The following CFAP68 variants were observed in gnomAD, a reference collection of about 807,000 sequenced individuals.
The protein encoded by CFAP68 is cilia- and flagella-associated protein 68.
At chr11:111,882,537 A>G in the CFAP68 span, 2 of 1,613,818 alleles carry the variant, frequency 1.2e-6, no homozygotes, top group African/African-American at 1.3e-5. Context: ...CTGATGGGCA[A>G]CTGGAACCAG....
At chr11:111,881,375 A>G in the CFAP68 span, 88 of 1,503,090 alleles carry the variant, frequency 5.9e-5, no homozygotes, top group Non-Finnish European at 3.0e-5. Context: ...TCATCCTTCA[A>G]TGCTGCATTA....
the CFAP68 span, among the ~76,000 whole-genome samples, chr11:111,883,544 A>G: frequency 9.9e-5 from 15 of 152,164 alleles, no homozygotes; most frequent in African/African-American, 3.4e-4. Flanking sequence ...AGTGAGCAGA[A>G]ATCAAGCCAC....
At chr11:111,882,412 C>T in the CFAP68 span, 1 of 1,614,168 alleles carries the variant, frequency 6.2e-7, no homozygotes, top group Non-Finnish European at 8.5e-7. Context: ...ACTGTGGCAG[C>T]CTTGTTAATG....
chr11:111,880,414 G>C, the CFAP68 span, among the ~76,000 whole-genome samples: 9 of 152,306 alleles, frequency 5.9e-5, no homozygotes, highest in African/African-American at 2.2e-4. Flanking sequence ...AGATAGCTCA[G>C]CACAAGATAC....
the CFAP68 span, chr11:111,883,061 A>G: frequency 9.3e-7 from 1 of 1,080,120 alleles, no homozygotes; most frequent in South Asian, 1.3e-5. Context: ...GTGAGAATTC[A>G]TGTCATATTG....
At chr11:111,881,982 C>G in the CFAP68 span, among the ~76,000 whole-genome samples, 3 of 152,192 alleles carry the variant, frequency 2.0e-5, no homozygotes, top group African/African-American at 7.2e-5. Context: ...ATTGTGTTAT[C>G]TAGTTACTCA....
chr11:111,883,824 C>G, the CFAP68 span: 3 of 1,613,696 alleles, frequency 1.9e-6, no homozygotes, highest in South Asian at 3.3e-5. Flanking sequence ...ACTGGATCCT[C>G]CCCGATACAA....
the CFAP68 span, chr11:111,883,057 A>T: frequency 9.7e-7 from 1 of 1,033,026 alleles, no homozygotes; most frequent in Non-Finnish European, 1.5e-6. Context: ...GTCCGTGAGA[A>T]TTCATGTCAT....
chr11:111,885,771 A>C, the CFAP68 span: 1 of 152,098 alleles, frequency 6.6e-6, no homozygotes, highest in Non-Finnish European at 1.5e-5. Flanking sequence ...GATATTTTTT[A>C]TCTCCCATAT....
chr11:111,884,467 C>CT, the CFAP68 span: 2 of 100,902 alleles, frequency 2.0e-5, no homozygotes, highest in African/African-American at 8.0e-5. Flanking sequence ...GAGCGAGACT[C>CT]TGTCTCAAAA....
chr11:111,880,339 A>G, the CFAP68 span, among the ~76,000 whole-genome samples: 4 of 152,340 alleles, frequency 2.6e-5, no homozygotes, highest in African/African-American at 7.2e-5. Context: ...AATAGGGGCT[A>G]GGTAAATAAG....
At chr11:111,883,517 C>T in the CFAP68 span, among the ~76,000 whole-genome samples, 24 of 151,594 alleles carry the variant, frequency 1.6e-4, no homozygotes, top group African/African-American at 4.6e-4. Context: ...CACCTGAACC[C>T]GAGAGGTGGA....
the CFAP68 span, among the ~76,000 whole-genome samples, chr11:111,880,037 A>G: frequency 1.3e-5 from 2 of 152,210 alleles, no homozygotes; most frequent in Non-Finnish European, 2.9e-5. Context: ...GGCAGGGGCC[A>G]GGTCATAGGG....
the CFAP68 span, chr11:111,883,140 G>A: frequency 1.9e-6 from 3 of 1,576,022 alleles, no homozygotes; most frequent in Non-Finnish European, 2.6e-6. Flanking sequence ...TTCCAGTTTG[G>A]ACACTACTTT....
At chr11:111,883,409 G>A in the CFAP68 span, among the ~76,000 whole-genome samples, 2 of 152,026 alleles carry the variant, frequency 1.3e-5, no homozygotes, top group African/African-American at 2.4e-5. Flanking sequence ...GGCCAGCGTG[G>A]TGAAACCCCA....
chr11:111,879,666 C>G, the CFAP68 span: 1 of 1,550,346 alleles, frequency 6.5e-7, no homozygotes, highest in African/African-American at 1.4e-5. Flanking sequence ...TATTGCGTGC[C>G]AGGCCACTGT....
At chr11:111,879,657 A>G in the CFAP68 span, 125 of 1,574,760 alleles carry the variant, frequency 7.9e-5, no homozygotes, top group Non-Finnish European at 9.7e-5. Flanking sequence ...TTGAGTGTCT[A>G]TTGCGTGCCA....
At chr11:111,882,683 A>G in the CFAP68 span, 5 of 1,242,634 alleles carry the variant, frequency 4.0e-6, no homozygotes, top group Non-Finnish European at 5.5e-6. Flanking sequence ...CAGGGATGTA[A>G]TAACTTCTGG....
At chr11:111,880,768 T>C in the CFAP68 span, 1 of 456,322 alleles carries the variant, frequency 2.2e-6, no homozygotes, top group African/African-American at 2.0e-5. Flanking sequence ...CCTTGAATTA[T>C]TTCTTGTGTC....
Sources: gnomAD v4.1 joint callset for allele counts (sites outside exome capture counted in the v4.1 genomes callset) on GRCh38, gnomAD v4.1.1 for gene constraint, MANE v1.5 for transcripts, NCBI Gene and HGNC (gene_info 2026-07-23, HGNC 2026-07-21) for gene names.